The following TOPAZ1 variants were observed in gnomAD, a reference collection of about 807,000 sequenced individuals.
TOPAZ1 encodes the protein protein TOPAZ1.
A neutral mutation model predicts 172.2 loss-of-function variants in TOPAZ1; 66 were observed. That is an observed-to-expected ratio of 0.38 (90% confidence interval 0.31 to 0.47). The LOEUF is 0.47. Among genes scored for constraint, TOPAZ1 ranks in the 20% least tolerant of loss-of-function variants. TOPAZ1 has a pLI of 0.99. For missense variants in TOPAZ1, 1,822 were observed against 1,972.4 expected (o/e 0.92, Z 1.44); for synonymous variants, 681 against 683.9 (o/e 1.00, Z 0.07).
chr3:44,316,505 A>G (rs1700453336), intron 16 of TOPAZ1, among the ~76,000 whole-genome samples: 1 of 152,204 alleles, frequency 6.6e-6, no homozygotes, highest in South Asian at 2.1e-4. Context: ...TATTAAAGAT[A>G]CTAGTCCTTG....
At chr3:44,277,312 T>C (rs896833836) in intron 8 of TOPAZ1, among the ~76,000 whole-genome samples, 1 of 152,220 alleles carries the variant, frequency 6.6e-6, no homozygotes, top group Non-Finnish European at 1.5e-5. Context: ...TATTGGTGTA[T>C]AGAAACACTA....
chr3:44,298,909 A>ATATATTTTTTTTTT (rs1287571186), intron 12 of TOPAZ1, among the ~76,000 whole-genome samples: 3 of 41,312 alleles, frequency 7.3e-5, no homozygotes, highest in Non-Finnish European at 8.6e-5. Context: ...ATATATATAT[A>ATATATTTTTTTTTT]TTTTTTTTTT....
chr3:44,248,271 T>A (rs1450718090), intron 2 of TOPAZ1, among the ~76,000 whole-genome samples: 1 of 152,196 alleles, frequency 6.6e-6, no homozygotes, highest in East Asian at 1.9e-4. Context: ...ATATATCACT[T>A]TTTCCTGAGA....
Position 44,305,273 on chromosome 3 carries a change from T to C in TOPAZ1, c.3991T>C (p.Tyr1331His). The change falls in exon 14 of 20, where the codon TAT (tyrosine) becomes CAT (histidine). Residue 1331 changes from tyrosine (Y) to histidine (H), a missense_variant. Physicochemically the swap from Tyr to His is moderately conservative, Grantham distance 83. This residue lies in a region of TOPAZ1 where 333 missense variants were observed against 481.7 expected (regional missense o/e 0.69). Transcript: ENST00000309765. Reference sequence around the variant, plus strand: ...CATTGCTGAAACACTCACAAAAAACTATGAAGATGAAAGACCAGATATTCC... The same window carrying C: ...CATTGCTGAAACACTCACAAAAAACCATGAAGATGAAAGACCAGATATTCC... ...ACIAETLTKN[Y>H]EDERPDIPFC... is the part of the protein sequence containing the mutation. 6.5e-7 allele frequency: 1 copy of C among 1,544,202 alleles called. No individual in the cohort carries two copies. The highest frequency in any genetic ancestry group is 8.7e-7 in the Non-Finnish European group (1 of 1,145,136).
At chr3:44,301,528 A>G (rs1447235302) in intron 12 of TOPAZ1, among the ~76,000 whole-genome samples, 1 of 152,190 alleles carries the variant, frequency 6.6e-6, no homozygotes, top group Non-Finnish European at 1.5e-5. Flanking sequence ...CTAGCTTTCT[A>G]ACATAATGTG....
intron 18 of TOPAZ1, 54 bp downstream of exon 18, chr3:44,323,349 C>T: frequency 1.8e-6 from 2 of 1,117,038 alleles, no homozygotes; most frequent in Non-Finnish European, 2.5e-6. Flanking sequence ...TATTCTCTAA[C>T]CCAGAATTTA....
At chr3:44,302,570 A>G (rs1575728539) in intron 12 of TOPAZ1, among the ~76,000 whole-genome samples, 2 of 152,128 alleles carry the variant, frequency 1.3e-5, no homozygotes, top group African/African-American at 2.4e-5. Flanking sequence ...GAACCACACT[A>G]TAGTAACTGT....
At chr3:44,258,886 G>T (rs556069891) in intron 4 of TOPAZ1, among the ~76,000 whole-genome samples, 45 of 152,318 alleles carry the variant, frequency 3.0e-4, no homozygotes, top group African/African-American at 1.0e-3. Context: ...TGACTTGGGT[G>T]AACTCATCCT....
At chr3:44,318,979 G>A (rs1700481081) in intron 16 of TOPAZ1, among the ~76,000 whole-genome samples, 1 of 151,894 alleles carries the variant, frequency 6.6e-6, no homozygotes, top group Non-Finnish European at 1.5e-5. Flanking sequence ...GGAAACCTTT[G>A]GGGAGCAGTT....
intron 2 of TOPAZ1, among the ~76,000 whole-genome samples, chr3:44,252,577 A>G (rs1484672329): frequency 6.6e-6 from 1 of 152,234 alleles, no homozygotes; most frequent in Non-Finnish European, 1.5e-5. Context: ...ATAATGAAAG[A>G]TAAACATAGC....
chr3:44,307,117 G>A (rs1700345178), intron 15 of TOPAZ1, among the ~76,000 whole-genome samples: 1 of 152,080 alleles, frequency 6.6e-6, no homozygotes, highest in Admixed American at 6.6e-5. Context: ...CCGCCTCCCA[G>A]GTTCAAGCAA....
intron 16 of TOPAZ1, among the ~76,000 whole-genome samples, chr3:44,320,272 G>T (rs1433824867): frequency 1.9e-5 from 2 of 102,730 alleles, no homozygotes; most frequent in African/African-American, 3.8e-5. Context: ...TTTCATAATA[G>T]AAATTGTTTT....
In TOPAZ1 at chr3:44,300,809, C is replaced by G. The variant is rs367573758; in HGVS notation, c.3798-3206C>G. On this transcript the variant is annotated intron_variant, in intron 12 of 19. Transcript: ENST00000309765. Reference sequence around the variant, plus strand: ...ACTTTTGGTCACATAAAAACTTACACGTAAATGTTCTTAGCAGCTTTAATT... The same window carrying G: ...ACTTTTGGTCACATAAAAACTTACAGGTAAATGTTCTTAGCAGCTTTAATT... Among the ~76,000 whole-genome samples, 12 of 149,362 alleles carry G rather than the reference C, an allele frequency of 8.0e-5. No individual in the cohort carries two copies. In the East Asian group the frequency reaches 2.4e-3, roughly 29 times the overall value.
intron 5 of TOPAZ1, among the ~76,000 whole-genome samples, chr3:44,263,665 C>A (rs974693730): frequency 6.6e-6 from 1 of 152,108 alleles, no homozygotes; most frequent in Admixed American, 6.5e-5. Context: ...CCCTCTTCTT[C>A]CTATTTTTAG....
At chr3:44,281,926 T>C (rs748270930) in intron 8 of TOPAZ1, 42 bp from the exon 9 acceptor site, 9 of 1,254,908 alleles carry the variant, frequency 7.2e-6, no homozygotes, top group Non-Finnish European at 1.0e-5. Context: ...TCTTACAGAA[T>C]ATTTAAAAAA....
chr3:44,316,511 C>T (rs1700453366), intron 16 of TOPAZ1, among the ~76,000 whole-genome samples: 1 of 152,006 alleles, frequency 6.6e-6, no homozygotes, highest in Non-Finnish European at 1.5e-5. Flanking sequence ...AGATACTAGT[C>T]CTTGATCTGT....
At chr3:44,278,969 A>G (rs1268314772) in intron 8 of TOPAZ1, among the ~76,000 whole-genome samples, 1 of 152,038 alleles carries the variant, frequency 6.6e-6, no homozygotes, top group East Asian at 1.9e-4. Context: ...TAGGCATTTA[A>G]TGCTATAAAC....
At chr3:44,334,451 T>TA, downstream of TOPAZ1, among the ~76,000 whole-genome samples, 2 of 152,160 alleles carry the variant, frequency 1.3e-5, no homozygotes, top group Middle Eastern at 3.4e-3. Flanking sequence ...ATGAAAAACT[T>TA]ACTGGGGACA....
intron 2 of TOPAZ1, among the ~76,000 whole-genome samples, chr3:44,254,442 A>G (rs1441875267): frequency 2.0e-5 from 3 of 152,104 alleles, no homozygotes; most frequent in Non-Finnish European, 1.5e-5. Flanking sequence ...AGCCTGACCA[A>G]CATGGCAAAA....
Sources: allele counts gnomAD v4.1 joint callset (sites outside exome capture counted in the v4.1 genomes callset), GRCh38; gene constraint gnomAD v4.1.1; regional missense constraint gnomAD v4.1.1; transcripts MANE v1.5; gene names NCBI Gene and HGNC (gene_info 2026-07-23, HGNC 2026-07-21).